Variants in COL6A5 observed in about 807,000 individuals in gnomAD.
COL6A5 encodes the protein collagen type VI alpha 5 chain, also known as collagen alpha-5(VI) chain.
COL6A5 carries 48 observed loss-of-function variants against 65.6 expected under a neutral mutation model. The observed-to-expected ratio is 0.73, with a 90% CI of 0.58 to 0.93. The LOEUF is 0.93. Ranked by LOEUF, COL6A5 falls within the 40% of genes least tolerant of loss-of-function variation. The pLI, the probability that COL6A5 is intolerant of heterozygous loss-of-function variation, is 0.00. For missense variants in COL6A5, 914 were observed against 928.3 expected (o/e 0.98, Z 0.20); for synonymous variants, 291 against 322.8 (o/e 0.90, Z 1.05).
chr3:130,408,973 C>A (rs1577479384), intron 17 of COL6A5, among the ~76,000 whole-genome samples: 1 of 152,158 alleles, frequency 6.6e-6, no homozygotes, highest in Non-Finnish European at 1.5e-5. Context: ...TTAAGAAATT[C>A]TGCTCTTTAG....
intron 5 of COL6A5, 98 bp from the exon 6 acceptor site, chr3:130,388,482 A>G: frequency 9.9e-7 from 1 of 1,007,608 alleles, no homozygotes; most frequent in East Asian, 2.6e-5. Context: ...GTTAATTTTC[A>G]ATGTTTTCTC....
At chr3:130,420,269 T>C (rs919340973) in intron 25 of COL6A5, among the ~76,000 whole-genome samples, 3 of 152,076 alleles carry the variant, frequency 2.0e-5, no homozygotes, top group African/African-American at 7.2e-5. Flanking sequence ...CATTTTGAGA[T>C]ATTTATCATT....
chr3:130,406,772 T>C (rs73214711), intron 17 of COL6A5, among the ~76,000 whole-genome samples: 1 of 152,302 alleles, frequency 6.6e-6, no homozygotes, highest in Non-Finnish European at 1.5e-5. Context: ...ATTTCAACAC[T>C]CATTAGTGTG....
At chr3:130,472,975 C>T (rs926050359) in intron 7 of COL6A5, among the ~76,000 whole-genome samples, 1 of 145,344 alleles carries the variant, frequency 6.9e-6, no homozygotes, top group Non-Finnish European at 1.5e-5. Context: ...GTAGAGAGAA[C>T]AAAATCAGCA....
chr3:130,403,501 T>C (rs767463732), intron 12 of COL6A5, 108 bp from the exon 13 acceptor site: 13 of 920,934 alleles, frequency 1.4e-5, no homozygotes, highest in Non-Finnish European at 1.8e-5. Flanking sequence ...CTGCAGAAAC[T>C]GCAACCAAGT....
At chr3:130,412,774 G>A (rs1937218368) in intron 20 of COL6A5, among the ~76,000 whole-genome samples, 2 of 152,122 alleles carry the variant, frequency 1.3e-5, no homozygotes, top group African/African-American at 4.8e-5. Context: ...GTAAGCAATA[G>A]CCAACCTGGT....
intron 1 of COL6A5, among the ~76,000 whole-genome samples, chr3:130,369,012 A>C (rs945953395): frequency 2.6e-5 from 4 of 152,154 alleles, no homozygotes; most frequent in African/African-American, 9.7e-5. Flanking sequence ...GCCCTTATCA[A>C]CTGGAGACTG....
intron 7 of COL6A5, among the ~76,000 whole-genome samples, chr3:130,472,827 G>GTATACATATATATATATATA (rs1559921433): frequency 5.6e-5 from 1 of 17,734 alleles, no homozygotes; most frequent in Non-Finnish European, 1.2e-4. Context: ...ATATGTGTGT[G>GTATACATATATATATATATA]TATACATATA....
At chr3:130,466,600 A>C (rs1386052758) in intron 5 of COL6A5, among the ~76,000 whole-genome samples, 1 of 151,972 alleles carries the variant, frequency 6.6e-6, no homozygotes, top group African/African-American at 2.4e-5. Flanking sequence ...GGTAAGTGGG[A>C]GAAAGAAAAT....
intron 1 of COL6A5, among the ~76,000 whole-genome samples, chr3:130,370,405 C>T (rs942891702): frequency 2.6e-5 from 4 of 152,000 alleles, no homozygotes; most frequent in Non-Finnish European, 4.4e-5. Context: ...CCCTGAATAA[C>T]TACAGGGCTG....
chr3:130,429,958 C>G (rs139649136), upstream of COL6A5, among the ~76,000 whole-genome samples: 804 of 152,306 alleles, frequency 5.3e-3, 12 homozygotes, highest in African/African-American at 0.018. Context: ...CTCCCTCTGG[C>G]CCACACTCAA....
At chr3:130,429,543 A>G (rs1187343399), upstream of COL6A5, 31 of 1,541,344 alleles carry the variant, frequency 2.0e-5, no homozygotes, top group Non-Finnish European at 2.7e-5. Flanking sequence ...TCAAGAAGGT[A>G]ACAAACTTTT....
chr3:130,440,951 G>A (rs1559905604), intron 3 of COL6A5, 126 bp downstream of exon 35: 1 of 756,126 alleles, frequency 1.3e-6, no homozygotes, highest in Non-Finnish European at 2.1e-6. Context: ...GGTGAGATAG[G>A]GGCAGGAATG....
chr3:130,437,897 T>C (rs759085330), intron 1 of COL6A5, among the ~76,000 whole-genome samples: 1 of 152,202 alleles, frequency 6.6e-6, no homozygotes, highest in Non-Finnish European at 1.5e-5. Flanking sequence ...CTATAAAAAG[T>C]ATTACTTCCC....
chr3:130,387,799 A>G (rs564054508), intron 5 of COL6A5, among the ~76,000 whole-genome samples: 1 of 152,076 alleles, frequency 6.6e-6, no homozygotes, highest in Non-Finnish European at 1.5e-5. Context: ...ATATATTTGC[A>G]TATTATATAT....
At chr3:130,376,938 TG>T in intron 3 of COL6A5, 102 bp downstream of exon 3, 6 of 1,314,614 alleles carry the variant, frequency 4.6e-6, no homozygotes, top group South Asian at 3.2e-5. Context: ...TGATTAGCCA[TG>T]TTGAAGTATT....
chr3:130,391,718 C>G, exon 7 of COL6A5: 1 of 1,551,276 alleles, frequency 6.4e-7, no homozygotes, highest in Non-Finnish European at 8.7e-7. Context: ...TGTTTTCACA[C>G]TTGTTCAAGA....
At chr3:130,429,942 C>T (rs1253688030), upstream of COL6A5, among the ~76,000 whole-genome samples, 1 of 152,146 alleles carries the variant, frequency 6.6e-6, no homozygotes, top group African/African-American at 2.4e-5. Context: ...TGAGATGTGC[C>T]CTTTCCTCCC....
At chr3:130,440,137 C>A in intron 2 of COL6A5, 29 bp from the exon 35 acceptor site, 1 of 1,576,600 alleles carries the variant, frequency 6.3e-7, no homozygotes, top group South Asian at 1.2e-5. Flanking sequence ...AGTGTTGAAC[C>A]AATGATGTGT....
Sources: allele counts gnomAD v4.1 joint callset (sites outside exome capture counted in the v4.1 genomes callset), GRCh38; gene constraint gnomAD v4.1.1; transcripts MANE v1.5; gene names NCBI Gene and HGNC (gene_info 2026-07-23, HGNC 2026-07-21).